Variants in GPC6 observed in about 807,000 individuals in gnomAD.
GPC6 encodes the protein glypican-6.
Under a neutral mutation model 55.2 loss-of-function variants are expected in GPC6, and 14 were observed. That is an observed-to-expected ratio of 0.25 (90% CI 0.17 to 0.40). The LOEUF (loss-of-function observed/expected upper bound fraction) is 0.40, where lower values mean the gene tolerates loss of function less well. GPC6 is among the 10% of genes least tolerant of loss of function. The probability of loss-of-function intolerance (pLI) is 1.00; values close to 1 mark genes in which losing one functional copy is unlikely to be tolerated. For missense variants in GPC6, 641 were observed against 708.5 expected, an observed-to-expected ratio of 0.90 and a Z score of 1.08; for synonymous variants, 278 against 259.6, an observed-to-expected ratio of 1.07 and a Z score of -0.68.
At chr13:93,654,872 T>C (rs1880583907) in intron 2 of GPC6, among the ~76,000 whole-genome samples, 2 of 151,186 alleles carry the variant, frequency 1.3e-5, no homozygotes, top group South Asian at 2.1e-4. Flanking sequence ...AGTCTCGCTT[T>C]GTGGCCCAGG....
intron 6 of GPC6, among the ~76,000 whole-genome samples, chr13:94,332,008 C>T (rs1877452751): frequency 6.6e-6 from 1 of 152,148 alleles, no homozygotes; most frequent in African/African-American, 2.4e-5. Context: ...ATCTGAGTCT[C>T]AGTCATTGCA....
At chr13:93,323,095 T>C (rs1402878625) in intron 1 of GPC6, among the ~76,000 whole-genome samples, 1 of 152,214 alleles carries the variant, frequency 6.6e-6, no homozygotes, top group Non-Finnish European at 1.5e-5. Context: ...ATACAAATGA[T>C]TTCTTTATAT....
At chr13:93,930,038 T>G (rs1360363907) in intron 3 of GPC6, among the ~76,000 whole-genome samples, 6 of 152,084 alleles carry the variant, frequency 3.9e-5, no homozygotes, top group Admixed American at 6.5e-5. Flanking sequence ...TTTCAAACTT[T>G]TTAATTAAAA....
intron 2 of GPC6, among the ~76,000 whole-genome samples, chr13:93,716,054 A>C (rs1883245049): frequency 6.6e-6 from 1 of 151,662 alleles, no homozygotes; most frequent in Non-Finnish European, 1.5e-5. Flanking sequence ...TAGCTATCAT[A>C]ACATCATAAC....
At chr13:94,218,080 C>T (rs1323247164) in intron 4 of GPC6, among the ~76,000 whole-genome samples, 2 of 152,106 alleles carry the variant, frequency 1.3e-5, no homozygotes, top group Non-Finnish European at 2.9e-5. Flanking sequence ...TATCAGAGAA[C>T]GTGATAGACA....
intron 3 of GPC6, among the ~76,000 whole-genome samples, chr13:93,890,502 C>T (rs1375461909): frequency 1.3e-5 from 2 of 151,968 alleles, no homozygotes; most frequent in African/African-American, 2.4e-5. Flanking sequence ...GTTGTTACAT[C>T]GAGTGCCTTT....
intron 2 of GPC6, among the ~76,000 whole-genome samples, chr13:93,808,965 G>A (rs1886619361): frequency 6.6e-6 from 1 of 152,192 alleles, no homozygotes; most frequent in African/African-American, 2.4e-5. Context: ...AGAAGTGCCT[G>A]TGGACTTAGT....
chr13:94,278,208 G>A (rs1892270757), intron 4 of GPC6, among the ~76,000 whole-genome samples: 2 of 152,080 alleles, frequency 1.3e-5, no homozygotes, highest in Admixed American at 1.3e-4. Flanking sequence ...ATTGTCAATG[G>A]GAGTTCATTT....
intron 3 of GPC6, among the ~76,000 whole-genome samples, chr13:93,916,607 C>CA (rs1378493486): frequency 6.6e-6 from 1 of 152,134 alleles, no homozygotes; most frequent in Non-Finnish European, 1.5e-5. Flanking sequence ...AATAACTTGT[C>CA]AGACTTCCAC....
chr13:93,385,176 G>T (rs990059312), intron 1 of GPC6, among the ~76,000 whole-genome samples: 7 of 152,352 alleles, frequency 4.6e-5, no homozygotes, highest in Admixed American at 1.3e-4. Flanking sequence ...AACCAGACAC[G>T]CAAAGAGAGC....
intron 2 of GPC6, among the ~76,000 whole-genome samples, chr13:93,630,348 C>A (rs527882570): frequency 6.6e-6 from 1 of 152,154 alleles, no homozygotes; most frequent in Non-Finnish European, 1.5e-5. Context: ...CCAACTTCTA[C>A]GGACACTTCT....
chr13:93,549,014 C>T (rs1298883197), intron 2 of GPC6, among the ~76,000 whole-genome samples: 1 of 152,154 alleles, frequency 6.6e-6, no homozygotes, highest in Non-Finnish European at 1.5e-5. Flanking sequence ...CATTACACAT[C>T]CCTGTAAGCC....
intron 2 of GPC6, among the ~76,000 whole-genome samples, chr13:93,558,926 A>G (rs9561394): frequency 0.28 from 43,063 of 152,004 alleles, 6,989 homozygotes; most frequent in Admixed American, 0.44. Context: ...CTGAGAGTCT[A>G]TCACTGAGTT....
chr13:93,552,673 C>T (rs753548922), intron 2 of GPC6, among the ~76,000 whole-genome samples: 5 of 152,152 alleles, frequency 3.3e-5, no homozygotes, highest in Non-Finnish European at 7.3e-5. Flanking sequence ...GTAATATTAT[C>T]ATCTTATTAT....
intron 2 of GPC6, among the ~76,000 whole-genome samples, chr13:93,563,177 G>A (rs1258954482): frequency 1.3e-5 from 2 of 151,884 alleles, no homozygotes; most frequent in Admixed American, 6.6e-5. Context: ...TTCTCACTTC[G>A]ACAATATTGG....
chr13:94,218,795 G>A (rs1890296779), intron 4 of GPC6, among the ~76,000 whole-genome samples: 1 of 151,968 alleles, frequency 6.6e-6, no homozygotes, highest in African/African-American at 2.4e-5. Flanking sequence ...AATCACCTTG[G>A]GATACTCTTT....
chr13:94,015,288 T>C (rs1304379425), intron 3 of GPC6, among the ~76,000 whole-genome samples: 5 of 152,186 alleles, frequency 3.3e-5, no homozygotes, highest in Admixed American at 3.3e-4. Context: ...TTAATGATGT[T>C]GAGCATGTTT....
At chr13:93,864,668 T>C (rs1195430021) in intron 3 of GPC6, among the ~76,000 whole-genome samples, 1 of 151,770 alleles carries the variant, frequency 6.6e-6, no homozygotes, top group Non-Finnish European at 1.5e-5. Flanking sequence ...AATGACCTTA[T>C]AAGATAGCTA....
At chr13:94,271,193 G>A (rs886509080) in intron 4 of GPC6, among the ~76,000 whole-genome samples, 37 of 151,012 alleles carry the variant, frequency 2.5e-4, no homozygotes, top group Non-Finnish European at 3.4e-4. Context: ...GGGTTTCACC[G>A]TGTTAGCCAG....
Sources: allele counts gnomAD v4.1 joint callset (sites outside exome capture counted in the v4.1 genomes callset), GRCh38; gene constraint gnomAD v4.1.1; transcripts MANE v1.5; gene names NCBI Gene and HGNC (gene_info 2026-07-23, HGNC 2026-07-21).